Variants in RBFOX1 observed in about 807,000 individuals in gnomAD.
RBFOX1 encodes the protein RNA binding protein fox-1 homolog 1.
A neutral mutation model predicts 57.7 loss-of-function variants in RBFOX1; 8 were observed. The ratio of observed to expected loss-of-function variants is 0.14; its 90% CI spans 0.08 to 0.25. The LOEUF (loss-of-function observed/expected upper bound fraction) is 0.25. RBFOX1 is among the 10% of genes least tolerant of loss of function. The pLI is 1.00. For synonymous variants in RBFOX1, 326 were observed against 222.4 expected (o/e 1.47, Z -4.15); for missense variants, 611 against 548.5 (o/e 1.11, Z -1.14).
intron 2 of RBFOX1, among the ~76,000 whole-genome samples, chr16:6,335,301 C>T (rs2083491114): frequency 6.6e-6 from 1 of 151,968 alleles, no homozygotes; most frequent in African/African-American, 2.4e-5. Flanking sequence ...CGCGTCAGGC[C>T]CCAGGTGGTA....
intron 4 of RBFOX1, among the ~76,000 whole-genome samples, chr16:5,922,553 T>C (rs1036634965): frequency 1.7e-4 from 26 of 152,314 alleles, no homozygotes; most frequent in African/African-American, 5.3e-4. Context: ...ATCTCCCTGC[T>C]GGACCCAGAA....
At chr16:7,110,252 C>T (rs1212230997) in intron 4 of RBFOX1, among the ~76,000 whole-genome samples, 4 of 151,168 alleles carry the variant, frequency 2.6e-5, no homozygotes, top group Non-Finnish European at 4.4e-5. Context: ...CCCAGCTTCT[C>T]GGGGAGGCTG....
At chr16:7,695,436 G>A (rs1329413774) in intron 14 of RBFOX1, among the ~76,000 whole-genome samples, 1 of 152,008 alleles carries the variant, frequency 6.6e-6, no homozygotes, top group East Asian at 1.9e-4. Context: ...GGTGGATCAT[G>A]AGGGTCAGGA....
At chr16:5,944,790 TAAAAAAA>T (rs60749168) in intron 4 of RBFOX1, among the ~76,000 whole-genome samples, 2 of 41,258 alleles carry the variant, frequency 4.8e-5, no homozygotes, top group South Asian at 1.7e-3. Context: ...CTGTCTCTGC[TAAAAAAA>T]AAAAAAAAAA....
rs186551796 is a variant in RBFOX1, at chr16:6,325,632, C to G, written c.-64+8575C>G. ...ATCACCTGATTCCTACTGGTGGTTC[C>G]TGTAGAAGACTATGGAAGTCACAAA... On this transcript the variant is annotated intron_variant, in intron 2 of 15. Transcript: ENST00000550418. Among the ~76,000 whole-genome samples the G allele has an allele frequency of 3.8e-3, 584 of 152,192 alleles. 1 individual carries two copies. Among genetic ancestry groups the G allele is most frequent in the Non-Finnish European group, 7.2e-3 (491 of 68,024 alleles).
chr16:6,399,972 C>A (rs1407300352), intron 2 of RBFOX1, among the ~76,000 whole-genome samples: 1 of 152,078 alleles, frequency 6.6e-6, no homozygotes, highest in Non-Finnish European at 1.5e-5. Flanking sequence ...GTAGCCAGCC[C>A]CACAATTCAA....
At chr16:6,638,642 A>T (rs1465500960) in intron 2 of RBFOX1, among the ~76,000 whole-genome samples, 1 of 152,220 alleles carries the variant, frequency 6.6e-6, no homozygotes, top group African/African-American at 2.4e-5. Flanking sequence ...ACACTAATTT[A>T]TATAATGTTT....
In RBFOX1 at chr16:6,355,133, TC is replaced by T. The variant is rs1215710012; in HGVS notation, c.-64+38077del. ...CTGATTACAGATATATATTCTGTAT[TC>T]TTTTTTTATTATTAGTATACTTTAA... On this transcript the variant is annotated intron_variant, in intron 2 of 15. Coordinates refer to ENST00000550418, the MANE Select transcript of RBFOX1 (RefSeq NM_018723.4). 3.3e-5 allele frequency among the ~76,000 whole-genome samples: 5 copies of T among 152,306 alleles called. No homozygotes were observed. The South Asian group carries it at 6.2e-4, about 19-fold the overall frequency.
intron 1 of RBFOX1, among the ~76,000 whole-genome samples, chr16:5,437,532 T>C (rs894250136): frequency 2.6e-5 from 4 of 152,102 alleles, no homozygotes; most frequent in South Asian, 4.1e-4. Context: ...CAACCATAGA[T>C]GAATCTCTAA....
chr16:6,247,731 G>A (rs2097576994), intron 1 of RBFOX1, among the ~76,000 whole-genome samples: 2 of 152,188 alleles, frequency 1.3e-5, no homozygotes, highest in African/African-American at 2.4e-5. Context: ...TTCAAACTCA[G>A]ATCCTAGTCC....
chr16:5,978,387 A>G (rs145154078), intron 4 of RBFOX1, among the ~76,000 whole-genome samples: 415 of 152,286 alleles, frequency 2.7e-3, no homozygotes, highest in African/African-American at 9.3e-3. Context: ...ATTTGCAGAA[A>G]TGTTTCCAAG....
intron 2 of RBFOX1, among the ~76,000 whole-genome samples, chr16:6,518,495 T>C (rs1205360913): frequency 1.3e-5 from 2 of 152,106 alleles, no homozygotes; most frequent in Admixed American, 6.6e-5. Context: ...GAGTCAGTTA[T>C]TTTGTGTAGT....
chr16:5,804,447 A>G (rs865805845), intron 3 of RBFOX1, among the ~76,000 whole-genome samples: 44 of 152,192 alleles, frequency 2.9e-4, no homozygotes, highest in African/African-American at 8.4e-4. Context: ...TATCCTGTTC[A>G]TTGATAAGGT....
At chr16:7,443,555 C>T (rs2098786022) in intron 4 of RBFOX1, among the ~76,000 whole-genome samples, 1 of 151,996 alleles carries the variant, frequency 6.6e-6, no homozygotes, top group Admixed American at 6.6e-5. Context: ...TAAGTATCCT[C>T]ATCTTATATT....
At chr16:5,816,204 C>G (rs766447547) in intron 3 of RBFOX1, among the ~76,000 whole-genome samples, 2 of 152,184 alleles carry the variant, frequency 1.3e-5, no homozygotes, top group Non-Finnish European at 2.9e-5. Flanking sequence ...CATCCTTAGG[C>G]TTGGAGGCAC....
intron 4 of RBFOX1, among the ~76,000 whole-genome samples, chr16:7,070,395 C>G (rs768486363): frequency 1.3e-5 from 2 of 152,174 alleles, no homozygotes; most frequent in Non-Finnish European, 2.9e-5. Flanking sequence ...CACGCATACA[C>G]AGATATATGC....
chr16:5,289,223 GCTGA>G (rs1266484947), intron 1 of RBFOX1: 1 of 354,534 alleles, frequency 2.8e-6, no homozygotes, highest in African/African-American at 2.1e-5. Context: ...GTCATTCTGG[GCTGA>G]CTGGGCACCA....
intron 4 of RBFOX1, among the ~76,000 whole-genome samples, chr16:7,350,627 A>G (rs1354682050): frequency 6.6e-6 from 1 of 152,214 alleles, no homozygotes; most frequent in Non-Finnish European, 1.5e-5. Context: ...GCTAGTATGC[A>G]TGGTACTGGT....
rs2097795019 is a variant in RBFOX1, at chr16:6,598,040, ATGGTTATAGTCACTT to A, written c.-63-56558_-63-56544del. ...TTATTTAAGACAAAATGATATCTTTATGGTTATAGTCACTTTGGTCAGGTTTGGTTTTCTGGTACT... is the reference window on the plus strand; with the variant it reads ...TTATTTAAGACAAAATGATATCTTTATGGTCAGGTTTGGTTTTCTGGTACT... On this transcript the variant is annotated intron_variant, in intron 2 of 15. Coordinates refer to ENST00000550418, the MANE Select transcript of RBFOX1 (RefSeq NM_018723.4). Among the ~76,000 whole-genome samples the A allele has an allele frequency of 5.9e-5, 9 of 152,320 alleles. No homozygotes were observed. In the Middle Eastern group the frequency reaches 0.02, roughly 345 times the overall value.
Sources: gnomAD v4.1 joint callset for allele counts (sites outside exome capture counted in the v4.1 genomes callset) on GRCh38, gnomAD v4.1.1 for gene constraint, MANE v1.5 for transcripts, NCBI Gene and HGNC (gene_info 2026-07-23, HGNC 2026-07-21) for gene names.